Variants in UGT1A8 observed in about 807,000 individuals in gnomAD.
The protein encoded by UGT1A8 is UDP-glucuronosyltransferase 1A8.
A neutral mutation model predicts 45.3 loss-of-function variants in UGT1A8; 39 were observed. That is an observed-to-expected ratio of 0.86 (90% CI 0.67 to 1.12). The LOEUF (loss-of-function observed/expected upper bound fraction) is 1.12, where lower values mean the gene tolerates loss of function less well. UGT1A8 is among the 50% of genes most tolerant of loss of function. The pLI is 0.00. For missense variants in UGT1A8, 719 were observed against 664.9 expected, an observed-to-expected ratio of 1.08 and a Z score of -0.90; for synonymous variants, 275 against 249.2, an observed-to-expected ratio of 1.10 and a Z score of -0.97.
At chr2:233,759,349 A>C (rs900901642) in intron 1 of UGT1A8, among the ~76,000 whole-genome samples, 1 of 152,146 alleles carries the variant, frequency 6.6e-6, no homozygotes, top group African/African-American at 2.4e-5. Context: ...GAGCGCTGAA[A>C]ATCTCAACTA....
In UGT1A8 at chr2:233,748,516, C is replaced by T. The variant is rs60390282; in HGVS notation, c.856-18518C>T. On this transcript the variant is annotated intron_variant, in intron 1 of 4. Transcript: ENST00000373450. ...GATAATTTTTAGTGGTCCTGTCTTGCGAATGATAGAGAGGTGACCACAGGA... is the reference window on the plus strand; with the variant it reads ...GATAATTTTTAGTGGTCCTGTCTTGTGAATGATAGAGAGGTGACCACAGGA... Among the ~76,000 whole-genome samples, 169 of 151,786 alleles carry T rather than the reference C, an allele frequency of 1.1e-3. 1 individual carries two copies. Among genetic ancestry groups the T allele is most frequent in the African/African-American group, 4.1e-3 (168 of 41,150 alleles).
chr2:233,675,527 C>T (rs1209769655), intron 1 of UGT1A8, among the ~76,000 whole-genome samples: 1 of 152,076 alleles, frequency 6.6e-6, no homozygotes, highest in African/African-American at 2.4e-5. Context: ...TCTGTGCTTC[C>T]CCCCTTGCTG....
chr2:233,623,124 T>C (rs975453354), intron 1 of UGT1A8, among the ~76,000 whole-genome samples: 2 of 152,228 alleles, frequency 1.3e-5, no homozygotes, highest in African/African-American at 4.8e-5. Flanking sequence ...TTTTGGTTAC[T>C]GTAGCCTTGT....
intron 1 of UGT1A8, chr2:233,672,492 T>C: frequency 6.2e-7 from 1 of 1,613,986 alleles, no homozygotes; most frequent in South Asian, 1.1e-5. Flanking sequence ...GCCCTGCTCC[T>C]CTTTCCTATG....
intron 1 of UGT1A8, among the ~76,000 whole-genome samples, chr2:233,717,104 T>G (rs535870475): frequency 2.6e-5 from 4 of 152,074 alleles, no homozygotes; most frequent in Non-Finnish European, 5.9e-5. Context: ...ACTATCTAAA[T>G]AAAACACCAC....
In UGT1A8 at chr2:233,635,524, G is replaced by A. The variant is rs1247283699; in HGVS notation, c.855+16962G>A. On this transcript the variant is annotated intron_variant, in intron 1 of 4. Coordinates refer to ENST00000373450, the MANE Select transcript of UGT1A8 (RefSeq NM_019076.5). ...AGGGCAGTGCCAAGCCATTCATGAG[G>A]GATCCATGCCCATGACCCAAACACC... 2.0e-5 allele frequency among the ~76,000 whole-genome samples: 3 copies of A among 150,624 alleles called. 1 individual carries two copies. The highest frequency in any genetic ancestry group is 7.4e-5 in the African/African-American group (3 of 40,640).
chr2:233,733,382 G>A (rs1164801978), intron 1 of UGT1A8, among the ~76,000 whole-genome samples: 3 of 152,128 alleles, frequency 2.0e-5, no homozygotes, highest in African/African-American at 7.2e-5. Context: ...TCCTTGTTTT[G>A]TGCCAGTTTT....
chr2:233,739,695 T>C (rs1691176781), intron 1 of UGT1A8, among the ~76,000 whole-genome samples: 1 of 152,230 alleles, frequency 6.6e-6, no homozygotes, highest in African/African-American at 2.4e-5. Flanking sequence ...TTTTTGATTT[T>C]ACAGGCTCAT....
intron 1 of UGT1A8, among the ~76,000 whole-genome samples, chr2:233,630,187 A>T (rs1480191823): frequency 6.6e-6 from 1 of 152,008 alleles, no homozygotes; most frequent in Non-Finnish European, 1.5e-5. Flanking sequence ...CCTCCAGGGG[A>T]GGTAGATCAC....
At chr2:233,732,938 A>G (rs2078338826) in intron 1 of UGT1A8, among the ~76,000 whole-genome samples, 1 of 152,098 alleles carries the variant, frequency 6.6e-6, no homozygotes, top group South Asian at 2.1e-4. Flanking sequence ...CTTCCTATCC[A>G]TGAGCATGGA....
At chr2:233,693,466 C>T in intron 1 of UGT1A8, 1 of 1,614,120 alleles carries the variant, frequency 6.2e-7, no homozygotes, top group Middle Eastern at 1.6e-4. Flanking sequence ...CAGCCTTACC[C>T]TGTGGGGTGA....
chr2:233,649,114 T>C, intron 1 of UGT1A8: 1 of 749,996 alleles, frequency 1.3e-6, no homozygotes, highest in Non-Finnish European at 1.9e-6. Flanking sequence ...TTGACATTTG[T>C]GTTTGTTGCA....
intron 1 of UGT1A8, among the ~76,000 whole-genome samples, chr2:233,764,509 G>A (rs1698579622): frequency 6.6e-6 from 1 of 152,192 alleles, no homozygotes; most frequent in Non-Finnish European, 1.5e-5. Flanking sequence ...GTTCAATTTT[G>A]TGTGAATCAC....
chr2:233,711,404 C>T (rs45498502), intron 1 of UGT1A8, among the ~76,000 whole-genome samples: 3,771 of 152,318 alleles, frequency 0.025, 67 homozygotes, highest in East Asian at 0.044. Flanking sequence ...ACCCTCACCC[C>T]GGGCTCATCA....
At chr2:233,707,478 T>C (rs2075963817) in intron 1 of UGT1A8, among the ~76,000 whole-genome samples, 1 of 152,122 alleles carries the variant, frequency 6.6e-6, no homozygotes, top group African/African-American at 2.4e-5. Context: ...ATAATACAGA[T>C]GATTTTACCT....
In UGT1A8 at chr2:233,646,968, C is replaced by A. The variant is rs1278134081; in HGVS notation, c.855+28406C>A. Among the ~76,000 whole-genome samples the A allele has an allele frequency of 5.3e-5, 8 of 152,278 alleles. No individual in the cohort carries two copies. In the South Asian group the frequency reaches 8.3e-4, roughly 16 times the overall value. ...CTGAGACTAAGGAATTTACAAAAGACAGAGGTTTAATTGACTTAGAGTTCC... is the reference window on the plus strand; with the variant it reads ...CTGAGACTAAGGAATTTACAAAAGAAAGAGGTTTAATTGACTTAGAGTTCC... On this transcript the variant is annotated intron_variant, in intron 1 of 4. Coordinates refer to ENST00000373450, the MANE Select transcript of UGT1A8 (RefSeq NM_019076.5).
chr2:233,617,937 A>G lies in UGT1A8; in HGVS notation c.230A>G (p.Tyr77Cys), dbSNP rs750329726. 6.2e-7 allele frequency: 1 copy of G among 1,614,096 alleles called. No individual in the cohort carries two copies. The highest frequency in any genetic ancestry group is 1.1e-5 in the South Asian group (1 of 91,062). The change falls in exon 1 of 5, where the codon TAC becomes TGC. Residue 77 changes from tyrosine to cysteine, a missense_variant. Physicochemically the swap from Tyr to Cys is radical, Grantham distance 194 (BLOSUM62 -2). Transcript: ENST00000373450. The part of the protein sequence containing the change: ...GKSLNCTVKT[Y>C]STSYTLEDLD... Reference sequence around the variant, plus strand: ...TCACTGAATTGCACAGTGAAGACTTACTCAACCTCATACACTCTGGAGGAT... The same window carrying G: ...TCACTGAATTGCACAGTGAAGACTTGCTCAACCTCATACACTCTGGAGGAT...
At chr2:233,699,814 A>G (rs2075525591) in intron 1 of UGT1A8, among the ~76,000 whole-genome samples, 1 of 152,256 alleles carries the variant, frequency 6.6e-6, no homozygotes, top group Non-Finnish European at 1.5e-5. Flanking sequence ...TCATCTAAAT[A>G]GTAGTTCTCA....
At chr2:233,765,894 C>A (rs527736361) in intron 1 of UGT1A8, among the ~76,000 whole-genome samples, 1 of 152,060 alleles carries the variant, frequency 6.6e-6, no homozygotes, top group Non-Finnish European at 1.5e-5. Flanking sequence ...CAGTGCGCCA[C>A]TGCTCAAACC....
Sources: gnomAD v4.1 joint callset for allele counts (sites outside exome capture counted in the v4.1 genomes callset) on GRCh38, gnomAD v4.1.1 for gene constraint, MANE v1.5 for transcripts, NCBI Gene and HGNC (gene_info 2026-07-23, HGNC 2026-07-21) for gene names.